CYFIP2: variants seen among roughly 807,000 people sequenced by gnomAD.
CYFIP2 encodes cytoplasmic FMR1-interacting protein 2.
A neutral mutation model predicts 158.7 loss-of-function variants in CYFIP2; 29 were observed. That is an observed-to-expected ratio of 0.18 (90% CI 0.14 to 0.25). CYFIP2 has a LOEUF of 0.25. Among genes scored for constraint, CYFIP2 ranks in the 10% least tolerant of loss-of-function variants. The pLI is 1.00. For synonymous variants in CYFIP2, 585 were observed against 617.6 expected (o/e 0.95, Z 0.78); for missense variants, 852 against 1,639.5 (o/e 0.52, Z 8.29).
intron 26 of CYFIP2, among the ~76,000 whole-genome samples, chr5:157,362,315 A>G (rs897814796): frequency 1.3e-5 from 2 of 152,220 alleles, no homozygotes; most frequent in Non-Finnish European, 2.9e-5. Context: ...TGAGGTCTGC[A>G]TGCATGCCAG....
At position 157,387,695 on chromosome 5, in the gene CYFIP2, CAA is replaced by C. The variant is rs1261666513; in HGVS notation, c.3208-1493_3208-1492del. On this transcript the variant is annotated intron_variant, in intron 28 of 30. Transcript: ENST00000620254. Reference sequence around the variant, plus strand: ...CAGGATTTTTTTTTTTTTTTTAACACAAGAGATATTTTTAGCTAACTATGGCA... The same window carrying C: ...CAGGATTTTTTTTTTTTTTTTAACACGAGATATTTTTAGCTAACTATGGCA... Among the ~76,000 whole-genome samples the C allele has an allele frequency of 1.8e-4, 26 of 146,584 alleles. 1 individual carries two copies. Among genetic ancestry groups the C allele is most frequent in the Admixed American group, 7.5e-4 (11 of 14,654 alleles).
At position 157,333,376 on chromosome 5, in the gene CYFIP2, C is replaced by G; in HGVS notation, c.2315C>G (p.Ser772Cys). 1 of 1,614,048 alleles carries G rather than the reference C, an allele frequency of 6.2e-7. No homozygotes were observed. The highest frequency in any genetic ancestry group is 2.2e-5 in the East Asian group (1 of 44,880). Residue 772 changes from serine to cysteine, a missense_variant, in exon 21 of 31, where the codon TCT becomes TGT. Physicochemically the swap from Ser to Cys is moderately radical, Grantham distance 112. This residue lies in a region of CYFIP2 where 191 missense variants were observed against 311.2 expected (regional missense o/e 0.61). Coordinates refer to ENST00000620254, the MANE Select transcript of CYFIP2 (RefSeq NM_001037333.3). Reference sequence around the variant, plus strand: ...AACAGACTCATTACCCAGCGCATCTCTGCCGCCATGTATAAATCCTTGGAC... The same window carrying G: ...AACAGACTCATTACCCAGCGCATCTGTGCCGCCATGTATAAATCCTTGGAC... ...DLNRLITQRI[S>C]AAMYKSLDQA...
Position 157,334,686 on chromosome 5 carries a change from TA to T in CYFIP2, c.2385+1252del, listed in dbSNP as rs532880271. On this transcript the variant is annotated intron_variant, in intron 21 of 30. Coordinates refer to ENST00000620254, the MANE Select transcript of CYFIP2 (RefSeq NM_001037333.3). ...AGATGAACCCAAATCGAGTTCCATTTAAAAAAAAAAAAGTGAATGATACTTT... is the reference window on the plus strand; with the variant it reads ...AGATGAACCCAAATCGAGTTCCATTTAAAAAAAAAAAGTGAATGATACTTT... Among the ~76,000 whole-genome samples the T allele has an allele frequency of 1.5e-3, 222 of 146,106 alleles. 1 individual carries two copies. Among genetic ancestry groups the T allele is most frequent in the Middle Eastern group, 7.0e-3 (2 of 286 alleles).
chr5:157,304,316 T>C lies in CYFIP2; in HGVS notation c.745T>C (p.Tyr249His). Residue 249 changes from tyrosine to histidine, a missense_variant, in exon 8 of 31, where the codon TAC becomes CAC. By Grantham distance (83) the Tyr-to-His change is moderately conservative (BLOSUM62 2). This residue lies in a region of CYFIP2 where 133 missense variants were observed against 197.1 expected (regional missense o/e 0.67). Coordinates refer to ENST00000620254, the MANE Select transcript of CYFIP2 (RefSeq NM_001037333.3). ...CATTGTCAACATCTGTGTGGATTAC[T>C]ACGAGAACAAGATGTACCTGACTCC... ...ADIVNICVDY[Y>H]ENKMYLTPSE... The C allele has an allele frequency of 1.2e-6, 2 of 1,613,992 alleles. No individual in the cohort carries two copies. Among genetic ancestry groups the C allele is most frequent in the Non-Finnish European group, 1.7e-6 (2 of 1,179,906 alleles).
intron 24 of CYFIP2, among the ~76,000 whole-genome samples, chr5:157,359,637 C>T (rs1283032142): frequency 6.6e-6 from 1 of 152,206 alleles, no homozygotes; most frequent in Non-Finnish European, 1.5e-5. Flanking sequence ...AGTTCTGTAT[C>T]CCTTTACCAC....
chr5:157,291,602 G>A (rs1757822041), intron 3 of CYFIP2, among the ~76,000 whole-genome samples: 1 of 152,230 alleles, frequency 6.6e-6, no homozygotes, highest in African/African-American at 2.4e-5. Context: ...TTACGTGACT[G>A]TCACTTCCCC....
intron 23 of CYFIP2, among the ~76,000 whole-genome samples, chr5:157,351,507 G>A (rs1281949632): frequency 3.9e-5 from 6 of 152,194 alleles, no homozygotes; most frequent in African/African-American, 1.4e-4. Context: ...TAACATGTGT[G>A]TTCTCGTTTT....
At chr5:157,369,239 G>A (rs1347955505) in intron 26 of CYFIP2, among the ~76,000 whole-genome samples, 1 of 152,010 alleles carries the variant, frequency 6.6e-6, no homozygotes, top group Non-Finnish European at 1.5e-5. Context: ...TTTAACAATA[G>A]CAACAATATA....
chr5:157,270,388 A>G (rs934161290), intron 1 of CYFIP2, among the ~76,000 whole-genome samples: 8 of 152,226 alleles, frequency 5.3e-5, no homozygotes, highest in African/African-American at 1.9e-4. Context: ...ACAGTTGCCT[A>G]TGTGGGTGGA....
chr5:157,303,406 G>A (rs529809252), intron 7 of CYFIP2, among the ~76,000 whole-genome samples: 9 of 152,302 alleles, frequency 5.9e-5, no homozygotes, highest in East Asian at 1.9e-4. Context: ...CCGCTGCTTT[G>A]CCAGGGTACA....
At chr5:157,384,363 C>T (rs1561788573) in intron 28 of CYFIP2, 1 of 456,678 alleles carries the variant, frequency 2.2e-6, no homozygotes, top group Admixed American at 2.3e-5. Flanking sequence ...AGAAGAGAAA[C>T]AGGGTATTCT....
At chr5:157,322,152 G>C (rs771730711) in intron 15 of CYFIP2, among the ~76,000 whole-genome samples, 1 of 152,156 alleles carries the variant, frequency 6.6e-6, no homozygotes, top group African/African-American at 2.4e-5. Context: ...TAGACTCGTA[G>C]ACAACCAGAG....
At chr5:157,290,582 A>C (rs1757740551) in intron 3 of CYFIP2, among the ~76,000 whole-genome samples, 1 of 152,206 alleles carries the variant, frequency 6.6e-6, no homozygotes, top group Non-Finnish European at 1.5e-5. Context: ...GTGAAGGAAC[A>C]TATTCACAGG....
chr5:157,365,704 G>A (rs1764301436), intron 26 of CYFIP2, among the ~76,000 whole-genome samples: 1 of 150,768 alleles, frequency 6.6e-6, no homozygotes, highest in African/African-American at 2.4e-5. Context: ...TCGTAGTTCC[G>A]AGTTCTATTT....
At chr5:157,285,294 G>C in intron 1 of CYFIP2, 45 bp from the exon 2 acceptor site, 1 of 1,340,636 alleles carries the variant, frequency 7.5e-7, no homozygotes, top group Non-Finnish European at 1.0e-6. Context: ...AGGAATTTTA[G>C]AGGCCCCTGA....
At chr5:157,314,893 C>T (rs1267929957) in intron 12 of CYFIP2, 76 bp from the exon 13 acceptor site, 5 of 1,149,690 alleles carry the variant, frequency 4.3e-6, no homozygotes, top group African/African-American at 3.1e-5. Flanking sequence ...AATAATATTC[C>T]ATTGCATGGA....
At chr5:157,269,167 A>G (rs1755868879) in intron 1 of CYFIP2, among the ~76,000 whole-genome samples, 1 of 151,938 alleles carries the variant, frequency 6.6e-6, no homozygotes, top group African/African-American at 2.4e-5. Flanking sequence ...ACCCAGCCCC[A>G]AGTTTACCGG....
chr5:157,304,534 C>T (rs1759055208), intron 8 of CYFIP2, 168 bp downstream of exon 8: 1 of 683,824 alleles, frequency 1.5e-6, no homozygotes, highest in East Asian at 2.9e-5. Context: ...TATAATATAC[C>T]GTAGTCACCT....
chr5:157,329,980 ACT>A (rs1433643569), intron 19 of CYFIP2, among the ~76,000 whole-genome samples: 1 of 152,218 alleles, frequency 6.6e-6, no homozygotes, highest in Non-Finnish European at 1.5e-5. Flanking sequence ...TCCAACCTGC[ACT>A]ATACTTTATC....
Sources: allele counts gnomAD v4.1 joint callset (sites outside exome capture counted in the v4.1 genomes callset), GRCh38; gene constraint gnomAD v4.1.1; regional missense constraint gnomAD v4.1.1; transcripts MANE v1.5; gene names NCBI Gene and HGNC (gene_info 2026-07-23, HGNC 2026-07-21).